The following MYL6 variants were observed in gnomAD, a reference collection of about 807,000 sequenced individuals.
The protein encoded by MYL6 is myosin light polypeptide 6.
In MYL6, 20 loss-of-function variants were observed where a neutral mutation model predicts 20.3. The ratio of observed to expected loss-of-function variants is 0.98; its 90% confidence interval spans 0.69 to 1.43. The LOEUF (loss-of-function observed/expected upper bound fraction) is 1.43. Among genes scored for constraint, MYL6 ranks in the 40% most tolerant of loss-of-function variants. The pLI is 0.00. For synonymous variants in MYL6, 77 were observed against 72.4 expected (o/e 1.06, Z -0.32); for missense variants, 164 against 191.0 (o/e 0.86, Z 0.83).
At chr12:56,158,640 G>A in intron 1 of MYL6, 44 bp from the exon 2 acceptor site, 1 of 1,614,064 alleles carries the variant, frequency 6.2e-7, no homozygotes, top group Non-Finnish European at 8.5e-7. Context: ...GAAACTCGGG[G>A]GATTGGCGTT....
chr12:56,159,037 C>T (rs1871527417), intron 2 of MYL6: 1 of 896,790 alleles, frequency 1.1e-6, no homozygotes, highest in Admixed American at 3.9e-5. Context: ...TAATCAGCTA[C>T]TTCTGCCTCT....
chr12:56,161,276 C>G, intron 6 of MYL6, 111 bp from the exon 7 acceptor site: 1 of 1,341,512 alleles, frequency 7.5e-7, no homozygotes, highest in African/African-American at 1.4e-5. Flanking sequence ...GGGTTGGTTG[C>G]TGTGGGCATG....
At chr12:56,161,033 A>AAC (rs1306892321) in intron 6 of MYL6, 1 of 564,698 alleles carries the variant, frequency 1.8e-6, no homozygotes, top group Non-Finnish European at 3.2e-6. Context: ...GCTATAGCTG[A>AAC]ACAGTCCTTT....
chr12:56,160,725 C>T, intron 6 of MYL6, 55 bp downstream of exon 6: 4 of 1,578,158 alleles, frequency 2.5e-6, no homozygotes, highest in Non-Finnish European at 3.5e-6. Flanking sequence ...TTCTTTTTTC[C>T]CCAACCTGTG....
intron 4 of MYL6, 40 bp downstream of exon 4, chr12:56,160,188 C>T (rs1023478445): frequency 6.2e-7 from 1 of 1,613,592 alleles, no homozygotes; most frequent in Non-Finnish European, 8.5e-7. Flanking sequence ...GAGATGGCAC[C>T]CTGAGGTACC....
intron 3 of MYL6, 29 bp from the exon 4 acceptor site, chr12:56,159,946 G>A (rs370953570): frequency 6.3e-7 from 1 of 1,597,532 alleles, no homozygotes; most frequent in African/African-American, 1.3e-5. Flanking sequence ...TACTTCTCTG[G>A]CCTGACACTT....
At chr12:56,159,471 TTTGG>T in intron 2 of MYL6, 112 bp from the exon 3 acceptor site, 1 of 1,368,172 alleles carries the variant, frequency 7.3e-7, no homozygotes, top group Non-Finnish European at 1.0e-6. Context: ...TGGTGTACAG[TTTGG>T]TGCAGATATC....
In MYL6 at chr12:56,159,745, GAAC is replaced by G. The variant is rs1871600751; in HGVS notation, c.175+19_175+21del. The G allele has an allele frequency of 6.8e-6, 11 of 1,612,392 alleles. No individual in the cohort carries two copies. The highest frequency in any genetic ancestry group is 4.5e-5 in the East Asian group (2 of 44,870). ...CAAGAGTGATGGTGAGGGGCCTAAA[GAAC>G]AACTCCTCAGTGTGGTCATGGGCCC... On this transcript the variant is annotated intron_variant, in intron 3 of 6. Coordinates refer to ENST00000550697, the MANE Select transcript of MYL6 (RefSeq NM_021019.5).
chr12:56,159,125 G>A (rs1484558859), intron 2 of MYL6: 2 of 343,080 alleles, frequency 5.8e-6, no homozygotes, highest in African/African-American at 4.3e-5. Context: ...CTGATATTCT[G>A]TGCAGATGGG....
chr12:56,158,450 C>G, intron 1 of MYL6, 46 bp downstream of exon 1: 1 of 1,552,316 alleles, frequency 6.4e-7, no homozygotes. Context: ...GGACGAGAGG[C>G]AGGAAGAGAC....
At position 56,159,657 on chromosome 12, in the gene MYL6, T is replaced by C. The variant is rs1871591872; in HGVS notation, c.102T>C (p.Asp34=). 2 of 1,614,024 alleles carry C rather than the reference T, an allele frequency of 1.2e-6. No homozygotes were observed. Among genetic ancestry groups the C allele is most frequent in the African/African-American group, 1.3e-5 (1 of 74,998 alleles). ...DGKILYSQCG[D]VMRALGQNPT... Reference sequence around the variant, plus strand: ...AGATCCTGTACAGCCAGTGTGGGGATGTGATGAGGGCCCTGGGCCAGAACC... The same window carrying C: ...AGATCCTGTACAGCCAGTGTGGGGACGTGATGAGGGCCCTGGGCCAGAACC... Residue 34 remains aspartate, a synonymous_variant, in exon 3 of 7, where the codon GAT becomes GAC. Coordinates refer to ENST00000550697, the MANE Select transcript of MYL6 (RefSeq NM_021019.5).
intron 3 of MYL6, 60 bp downstream of exon 3, chr12:56,159,790 G>C: frequency 6.4e-7 from 1 of 1,570,862 alleles, no homozygotes; most frequent in Non-Finnish European, 8.6e-7. Flanking sequence ...CTTCAGCTAA[G>C]AGCTTCCCTT....
chr12:56,160,959 C>A, intron 6 of MYL6: 1 of 571,010 alleles, frequency 1.8e-6, no homozygotes, highest in South Asian at 2.2e-5. Context: ...TTTAGGGTGA[C>A]CTTCTGGCCC....
chr12:56,158,619 G>C (rs1871484650), intron 1 of MYL6, 65 bp from the exon 2 acceptor site: 1 of 1,613,714 alleles, frequency 6.2e-7, no homozygotes, highest in Non-Finnish European at 8.5e-7. Context: ...AGAGTTTGTG[G>C]GGCTGGGATA....
intron 2 of MYL6, 142 bp downstream of exon 2, chr12:56,158,853 T>G (rs1871508930): frequency 6.7e-7 from 1 of 1,492,986 alleles, no homozygotes; most frequent in South Asian, 1.3e-5. Flanking sequence ...TTCTTCTGGA[T>G]CCTCCATTTT....
chr12:56,158,588 G>A (rs1054811243), intron 1 of MYL6, 96 bp from the exon 2 acceptor site: 1 of 1,594,048 alleles, frequency 6.3e-7, no homozygotes, highest in African/African-American at 1.4e-5. Flanking sequence ...ACAGGAGTTT[G>A]TGGGTCAGAG....
intron 2 of MYL6, chr12:56,159,318 TAGC>T (rs1193381258): frequency 1.6e-5 from 7 of 433,238 alleles, no homozygotes; most frequent in Non-Finnish European, 2.9e-5. Context: ...AGAAGTGTAG[TAGC>T]AGCAGTGGAG....
chr12:56,158,724 T>C lies in MYL6; in HGVS notation c.31+13T>C. On this transcript the variant is annotated intron_variant, in intron 2 of 6. Transcript: ENST00000550697. ...GACCAGACCGCAGGTAGGTTATCTC[T>C]GATCCCTACCGAGGTCACCCTTAGG... 1 of 1,613,806 alleles carries C rather than the reference T, an allele frequency of 6.2e-7. No individual in the cohort carries two copies. Among genetic ancestry groups the C allele is most frequent in the East Asian group, 2.2e-5 (1 of 44,870 alleles).
At chr12:56,159,358 G>T in intron 2 of MYL6, 2 of 525,532 alleles carry the variant, frequency 3.8e-6, no homozygotes, top group Non-Finnish European at 6.5e-6. Flanking sequence ...CAGGCAGAGG[G>T]GTTGTGTAAA....
Sources: allele counts gnomAD v4.1 joint callset, GRCh38; gene constraint gnomAD v4.1.1; transcripts MANE v1.5; gene names NCBI Gene and HGNC (gene_info 2026-07-23, HGNC 2026-07-21).